Variants in ZNF385D observed in about 807,000 individuals in gnomAD.
ZNF385D encodes the protein zinc finger protein 659.
Under a neutral mutation model 35.8 loss-of-function variants are expected in ZNF385D, and 15 were observed. The ratio of observed to expected loss-of-function variants is 0.42; its 90% CI spans 0.28 to 0.64. The LOEUF (loss-of-function observed/expected upper bound fraction) is 0.64, where lower values mean the gene tolerates loss of function less well. ZNF385D is among the 30% of genes least tolerant of loss of function. The pLI, the probability that ZNF385D is intolerant of heterozygous loss-of-function variation, is 0.23. For synonymous variants in ZNF385D, 212 were observed against 186.8 expected, an observed-to-expected ratio of 1.13 and a Z score of -1.10; for missense variants, 474 against 494.6, an observed-to-expected ratio of 0.96 and a Z score of 0.39.
chr3:22,173,095 T>C (rs1694577234), intron 2 of ZNF385D, among the ~76,000 whole-genome samples: 1 of 152,126 alleles, frequency 6.6e-6, no homozygotes, highest in African/African-American at 2.4e-5. Context: ...CTTACAGAAA[T>C]AATAGACAAA....
intron 1 of ZNF385D, among the ~76,000 whole-genome samples, chr3:21,747,926 T>C (rs1468996551): frequency 2.0e-5 from 3 of 152,052 alleles, no homozygotes; most frequent in African/African-American, 7.2e-5. Context: ...AGGGTAAATT[T>C]ATAAGTATTT....
chr3:22,264,506 G>T (rs1440181868), intron 2 of ZNF385D, among the ~76,000 whole-genome samples: 2 of 152,022 alleles, frequency 1.3e-5, no homozygotes, highest in South Asian at 2.1e-4. Context: ...TGTGACCAAA[G>T]ATCCTAACAT....
At chr3:21,952,943 G>C (rs1702129841) in intron 3 of ZNF385D, among the ~76,000 whole-genome samples, 1 of 151,950 alleles carries the variant, frequency 6.6e-6, no homozygotes, top group Non-Finnish European at 1.5e-5. Context: ...GACTTTCAAA[G>C]AGGTTTCCCA....
chr3:21,825,934 A>G (rs886415538), intron 3 of ZNF385D, among the ~76,000 whole-genome samples: 7 of 152,168 alleles, frequency 4.6e-5, no homozygotes, highest in African/African-American at 1.7e-4. Flanking sequence ...TTAGGAGCGC[A>G]AAACCCTGTT....
intron 2 of ZNF385D, among the ~76,000 whole-genome samples, chr3:22,357,639 A>G (rs1696216201): frequency 1.3e-5 from 2 of 151,930 alleles, no homozygotes; most frequent in South Asian, 2.1e-4. Flanking sequence ...TTCCTTCAGT[A>G]TATTCATATT....
intron 3 of ZNF385D, among the ~76,000 whole-genome samples, chr3:22,095,110 A>T (rs1482031831): frequency 1.0e-4 from 3 of 29,888 alleles, no homozygotes; most frequent in African/African-American, 8.3e-4. Context: ...TTTTTTGTAG[A>T]GATGGGGGGT....
intron 3 of ZNF385D, among the ~76,000 whole-genome samples, chr3:21,903,785 G>T (rs1346272147): frequency 1.3e-5 from 2 of 151,980 alleles, no homozygotes; most frequent in African/African-American, 4.8e-5. Context: ...ATTAAATATG[G>T]CATTCAAGAC....
intron 1 of ZNF385D, among the ~76,000 whole-genome samples, chr3:21,694,042 CTTT>C (rs35586361): frequency 1.8e-4 from 4 of 22,170 alleles, no homozygotes; most frequent in East Asian, 8.1e-4. Flanking sequence ...CTACGCCTGG[CTTT>C]TTTTTTTTTT....
At chr3:22,182,686 T>C (rs1396830273) in intron 2 of ZNF385D, among the ~76,000 whole-genome samples, 1 of 152,118 alleles carries the variant, frequency 6.6e-6, no homozygotes, top group African/African-American at 2.4e-5. Flanking sequence ...TATTTTTCTA[T>C]TATCCAAATA....
chr3:22,047,321 A>G (rs945392111), intron 3 of ZNF385D, among the ~76,000 whole-genome samples: 1 of 152,074 alleles, frequency 6.6e-6, no homozygotes, highest in Non-Finnish European at 1.5e-5. Context: ...TATACTAACG[A>G]AAGTGACCAT....
At chr3:21,763,700 A>G (rs749259142) in intron 3 of ZNF385D, among the ~76,000 whole-genome samples, 2 of 152,174 alleles carry the variant, frequency 1.3e-5, no homozygotes, top group Non-Finnish European at 1.5e-5. Context: ...GGAAAAAACA[A>G]TAACTTTGCC....
chr3:21,970,518 AAAAAAGAATG>A (rs963840449), intron 3 of ZNF385D, among the ~76,000 whole-genome samples: 3 of 151,210 alleles, frequency 2.0e-5, no homozygotes, highest in Admixed American at 2.0e-4. Context: ...GACACAAAAG[AAAAAAGAATG>A]AAAAAGAATG....
At chr3:22,221,766 T>C (rs1698270541) in intron 2 of ZNF385D, among the ~76,000 whole-genome samples, 1 of 152,156 alleles carries the variant, frequency 6.6e-6, no homozygotes, top group African/African-American at 2.4e-5. Context: ...AGTGCAAGGA[T>C]TGAAAAAGCT....
chr3:22,297,700 T>C (rs1321368272), intron 2 of ZNF385D, among the ~76,000 whole-genome samples: 4 of 151,942 alleles, frequency 2.6e-5, no homozygotes, highest in Non-Finnish European at 4.4e-5. Flanking sequence ...ACAAAGCAAA[T>C]ACACGTGGCG....
chr3:21,608,023 G>GTTTTTTTTTTTTTT (rs572518584), intron 2 of ZNF385D, among the ~76,000 whole-genome samples: 3 of 120,240 alleles, frequency 2.5e-5, no homozygotes, highest in East Asian at 2.6e-4. Context: ...TTTTTTTTTT[G>GTTTTTTTTTTTTTT]TTTTTTTTTT....
intron 3 of ZNF385D, among the ~76,000 whole-genome samples, chr3:21,848,972 ATTAC>A (rs1238070904): frequency 2.0e-5 from 3 of 152,092 alleles, no homozygotes; most frequent in Admixed American, 6.6e-5. Flanking sequence ...TTAAATTTTC[ATTAC>A]TTAAACCTAT....
At chr3:21,802,405 C>A (rs958855928) in intron 3 of ZNF385D, among the ~76,000 whole-genome samples, 2 of 151,990 alleles carry the variant, frequency 1.3e-5, no homozygotes, top group Non-Finnish European at 2.9e-5. Context: ...TTCTTTAAGA[C>A]CCCTGAAAGA....
intron 3 of ZNF385D, among the ~76,000 whole-genome samples, chr3:21,866,114 A>G (rs1697338999): frequency 6.6e-6 from 1 of 152,028 alleles, no homozygotes; most frequent in Non-Finnish European, 1.5e-5. Context: ...TTGTAAACAT[A>G]TGTAGAAAAA....
chr3:21,745,047 G>A (rs1277231345), intron 1 of ZNF385D, among the ~76,000 whole-genome samples: 1 of 152,008 alleles, frequency 6.6e-6, no homozygotes, highest in East Asian at 1.9e-4. Context: ...CTAAGTGCCT[G>A]GCACTAACAA....
Sources: gnomAD v4.1 joint callset for allele counts (sites outside exome capture counted in the v4.1 genomes callset) on GRCh38, gnomAD v4.1.1 for gene constraint, MANE v1.5 for transcripts, NCBI Gene and HGNC (gene_info 2026-07-23, HGNC 2026-07-21) for gene names.